Variants in RMDN2 observed in about 807,000 individuals in gnomAD.
RMDN2 encodes the protein regulator of microtubule dynamics 2.
A neutral mutation model predicts 52.8 loss-of-function variants in RMDN2; 61 were observed. The ratio of observed to expected loss-of-function variants is 1.16; its 90% CI spans 0.94 to 1.43. The LOEUF is 1.43. Among genes scored for constraint, RMDN2 ranks in the 40% most tolerant of loss-of-function variants. RMDN2 has a pLI of 0.00. For missense variants in RMDN2, 592 were observed against 475.3 expected (o/e 1.25, Z -2.28); for synonymous variants, 180 against 153.1 (o/e 1.18, Z -1.30).
At chr2:38,019,515 G>A (rs887689794), downstream of RMDN2, among the ~76,000 whole-genome samples, 47 of 152,124 alleles carry the variant, frequency 3.1e-4, no homozygotes, top group Non-Finnish European at 1.2e-4. Context: ...AGAGAATTAG[G>A]AGTTTCTGAC....
At chr2:38,039,280 C>T (rs1156969514) in intron 10 of RMDN2, 15 of 152,238 alleles carry the variant, frequency 9.9e-5, no homozygotes, top group Admixed American at 9.8e-4. Flanking sequence ...TTTCACTCAA[C>T]CGGTGAGTCA....
chr2:38,014,474 T>C (rs192750982), intron 10 of RMDN2, among the ~76,000 whole-genome samples: 201 of 152,366 alleles, frequency 1.3e-3, no homozygotes, highest in Middle Eastern at 3.4e-3. Context: ...TTTATTTATT[T>C]ATTTTCTTAA....
At chr2:38,043,563 T>A (rs1380364517) in intron 10 of RMDN2, among the ~76,000 whole-genome samples, 3 of 152,142 alleles carry the variant, frequency 2.0e-5, no homozygotes, top group Non-Finnish European at 2.9e-5. Context: ...CTTTGTTTCC[T>A]TTTTTCATCT....
chr2:38,027,903 A>G (rs1291287055), intron 10 of RMDN2, among the ~76,000 whole-genome samples: 2 of 152,190 alleles, frequency 1.3e-5, no homozygotes, highest in South Asian at 2.1e-4. Flanking sequence ...GACTGGCCCC[A>G]CCATGTAGAG....
intron 2 of RMDN2, among the ~76,000 whole-genome samples, chr2:37,963,649 A>C (rs1268593613): frequency 6.6e-6 from 1 of 152,238 alleles, no homozygotes; most frequent in African/African-American, 2.4e-5. Context: ...GTCATAGATC[A>C]ACAGCATCCC....
intron 7 of RMDN2, 70 bp downstream of exon 7, chr2:37,991,367 CT>C (rs1297268656): frequency 1.1e-5 from 8 of 753,618 alleles, no homozygotes; most frequent in Non-Finnish European, 1.6e-5. Context: ...TTTTCAATGA[CT>C]TATTGTTTTA....
intron 10 of RMDN2, among the ~76,000 whole-genome samples, chr2:38,031,642 G>A (rs529821609): frequency 6.6e-6 from 1 of 152,156 alleles, no homozygotes; most frequent in Non-Finnish European, 1.5e-5. Context: ...AGTTTATCTG[G>A]GTTTTCCTAC....
intron 2 of RMDN2, among the ~76,000 whole-genome samples, chr2:37,964,406 TTTC>T (rs1670757663): frequency 6.6e-6 from 1 of 152,242 alleles, no homozygotes; most frequent in Admixed American, 6.5e-5. Flanking sequence ...CTCAAGATGT[TTTC>T]TTATTTGCCT....
intron 10 of RMDN2, among the ~76,000 whole-genome samples, chr2:38,065,907 C>T (rs771123226): frequency 5.9e-5 from 9 of 152,194 alleles, no homozygotes; most frequent in Non-Finnish European, 1.2e-4. Context: ...CGCACAATGT[C>T]AGTTACTGCC....
At chr2:37,926,136 G>T (rs1666259346) in intron 1 of RMDN2, among the ~76,000 whole-genome samples, 2 of 152,096 alleles carry the variant, frequency 1.3e-5, no homozygotes, top group African/African-American at 4.8e-5. Context: ...CTTTATCCTT[G>T]CAAAATTTGT....
intron 5 of RMDN2, among the ~76,000 whole-genome samples, chr2:37,982,111 AC>A (rs1673399506): frequency 6.6e-6 from 1 of 152,040 alleles, no homozygotes; most frequent in African/African-American, 2.4e-5. Context: ...CTTTGCGGTT[AC>A]TTTATTTCCC....
intron 10 of RMDN2, among the ~76,000 whole-genome samples, chr2:38,024,304 CA>C (rs1056666018): frequency 1.2e-4 from 18 of 152,078 alleles, no homozygotes; most frequent in African/African-American, 4.3e-4. Context: ...GATAAATACA[CA>C]GGAGTAGGAA....
intron 2 of RMDN2, among the ~76,000 whole-genome samples, chr2:37,959,436 G>T (rs767960314): frequency 2.6e-5 from 4 of 151,038 alleles, no homozygotes; most frequent in Non-Finnish European, 5.9e-5. Flanking sequence ...TAGTTTATTT[G>T]CATAGAGGTG....
At chr2:38,030,571 C>G (rs1680123810) in intron 10 of RMDN2, 2 of 152,184 alleles carry the variant, frequency 1.3e-5, no homozygotes, top group Non-Finnish European at 2.9e-5. Flanking sequence ...ATGTTTACAA[C>G]ATGTTAAAAG....
intron 2 of RMDN2, among the ~76,000 whole-genome samples, chr2:37,932,870 C>A (rs1377424865): frequency 4.9e-5 from 7 of 144,080 alleles, no homozygotes; most frequent in Admixed American, 2.7e-4. Context: ...GGAGGCTGAC[C>A]CCCCCACCTC....
intron 10 of RMDN2, chr2:38,027,479 A>G (rs1679863823): frequency 6.6e-6 from 1 of 152,212 alleles, no homozygotes; most frequent in Non-Finnish European, 1.5e-5. Flanking sequence ...CCTATAAACC[A>G]TTATTTTATA....
chr2:38,021,875 A>G (rs1173839002), downstream of RMDN2, among the ~76,000 whole-genome samples: 1 of 152,206 alleles, frequency 6.6e-6, no homozygotes, highest in Non-Finnish European at 1.5e-5. Flanking sequence ...TTAACAGGCC[A>G]CAAGCCAGTT....
chr2:37,923,001 A>G (rs1666075360), upstream of RMDN2, among the ~76,000 whole-genome samples: 1 of 152,198 alleles, frequency 6.6e-6, no homozygotes, highest in Non-Finnish European at 1.5e-5. Context: ...CTCCTCCCAA[A>G]TGATTGTCAT....
intron 2 of RMDN2, among the ~76,000 whole-genome samples, chr2:37,953,693 C>T (rs1244855102): frequency 6.6e-6 from 1 of 151,908 alleles, no homozygotes; most frequent in Non-Finnish European, 1.5e-5. Flanking sequence ...CCTTTCAGTT[C>T]TTTTGAGTAT....
Sources: allele counts gnomAD v4.1 joint callset (sites outside exome capture counted in the v4.1 genomes callset), GRCh38; gene constraint gnomAD v4.1.1; transcripts MANE v1.5; gene names NCBI Gene and HGNC (gene_info 2026-07-23, HGNC 2026-07-21).